The following DHODH variants were observed in gnomAD, a reference collection of about 807,000 sequenced individuals.
The protein encoded by DHODH is dihydroorotate dehydrogenase (quinone), mitochondrial.
A neutral mutation model predicts 39.7 loss-of-function variants in DHODH; 30 were observed. The ratio of observed to expected loss-of-function variants is 0.76; its 90% CI spans 0.57 to 1.02. DHODH has a LOEUF of 1.02. Among genes scored for constraint, DHODH ranks in the 50% least tolerant of loss-of-function variants. The pLI, the probability that DHODH is intolerant of heterozygous loss-of-function variation, is 0.00. For synonymous variants in DHODH, 222 were observed against 213.8 expected (o/e 1.04, Z -0.34); for missense variants, 531 against 520.8 (o/e 1.02, Z -0.19).
intron 4 of DHODH, chr16:72,020,333 A>G (rs1258630621): frequency 4.1e-4 from 38 of 91,840 alleles, no homozygotes; most frequent in African/African-American, 6.4e-4. Context: ...ATATGTGTAT[A>G]TATATATATA....
At chr16:72,010,316 T>C (rs151066292) in intron 1 of DHODH, among the ~76,000 whole-genome samples, 2 of 152,338 alleles carry the variant, frequency 1.3e-5, no homozygotes, top group African/African-American at 4.8e-5. Flanking sequence ...TTTTAAATAA[T>C]TGAACCAGAA....
At chr16:72,017,859 C>T (rs1038249664) in intron 4 of DHODH, among the ~76,000 whole-genome samples, 1 of 146,568 alleles carries the variant, frequency 6.8e-6, no homozygotes, top group South Asian at 2.2e-4. Context: ...GCAAGCTCTG[C>T]TTCCCGCGTT....
At chr16:72,016,615 C>T (rs1294299945) in intron 3 of DHODH, 2 of 324,592 alleles carry the variant, frequency 6.2e-6, no homozygotes, top group South Asian at 2.7e-5. Flanking sequence ...AGCGTTTGCT[C>T]TGAGCTAGGA....
intron 1 of DHODH, among the ~76,000 whole-genome samples, chr16:72,010,457 C>A (rs774446295): frequency 5.3e-5 from 8 of 152,200 alleles, no homozygotes; most frequent in Admixed American, 2.6e-4. Context: ...TTTTATCCTT[C>A]ATCACAGTTG....
At chr16:72,014,319 C>T (rs2041115798) in intron 2 of DHODH, 154 bp from the exon 3 acceptor site, 5 of 705,936 alleles carry the variant, frequency 7.1e-6, no homozygotes. Flanking sequence ...GTGCTCCATT[C>T]CACCCCCAAA....
chr16:72,014,745 C>A, intron 3 of DHODH, 73 bp downstream of exon 3: 1 of 1,458,466 alleles, frequency 6.9e-7, no homozygotes, highest in Non-Finnish European at 9.5e-7. Context: ...ATAAGATCTG[C>A]CTCTGTTTTT....
Position 72,024,176 on chromosome 16 carries a change from A to G in DHODH, c.1165A>G (p.Ile389Val). The change falls in exon 9 of 9, where the codon ATT becomes GTT. Residue 389 changes from isoleucine to valine, a missense_variant. Coordinates refer to ENST00000219240, the MANE Select transcript of DHODH (RefSeq NM_001361.5). ...EQGFGGVTDAIGADHRR is the reference protein window; with the variant it reads ...EQGFGGVTDAVGADHRR The stretch of plus-strand genomic sequence containing the variant: ...GGGCTTTGGCGGAGTCACAGATGCC[A>G]TTGGAGCAGATCATCGGAGGTGAGG... 1.9e-6 allele frequency: 3 copies of G among 1,614,186 alleles called. No individual in the cohort carries two copies. The highest frequency in any genetic ancestry group is 1.7e-6 in the Non-Finnish European group (2 of 1,180,026).
chr16:72,017,596 A>G (rs2041155623), intron 4 of DHODH, among the ~76,000 whole-genome samples: 1 of 152,164 alleles, frequency 6.6e-6, no homozygotes, highest in South Asian at 2.1e-4. Flanking sequence ...GCATTTGGGA[A>G]AATATTCTTC....
rs2041271238 is a variant in DHODH, at chr16:72,025,793, GC to G, written c.*1597del. ...CCCTGTGAGGCCTGAAGACAGAGCT[GC>G]CCTGAAGGCAGCTCATGTCCACTGA... On this transcript the variant is annotated 3_prime_UTR_variant, in exon 9 of 9. Coordinates refer to ENST00000219240, the MANE Select transcript of DHODH (RefSeq NM_001361.5). The G allele has an allele frequency of 6.6e-6, 1 of 152,288 alleles. No homozygotes were observed. The highest frequency in any genetic ancestry group is 1.5e-5 in the Non-Finnish European group (1 of 68,110). 9.4% of individuals were successfully genotyped at this position (152,288 alleles called of 1,614,324 possible). A position where few individuals can be genotyped will look rare whatever the true frequency, so the allele number is the denominator to read the frequency against.
chr16:72,012,068 G>A lies in DHODH; in HGVS notation c.40G>A (p.Val14Met), dbSNP rs2041087695. The change falls in exon 2 of 9, where the codon GTG (valine) becomes ATG (methionine). Residue 14 changes from valine (V) to methionine (M), a missense_variant. Physicochemically the swap from Val to Met is conservative, Grantham distance 21. Transcript: ENST00000219240. ...TTTGCAGAAGCGGGCCCAGGATGCT[G>A]TGATCATCCTGGGGGGAGGAGGACT... Reference protein sequence around the residue: ...RHLKKRAQDAVIILGGGGLLF... With the variant: ...RHLKKRAQDAMIILGGGGLLF... 1 of 1,614,012 alleles carries A rather than the reference G, an allele frequency of 6.2e-7. No individual in the cohort carries two copies. Among genetic ancestry groups the A allele is most frequent in the Non-Finnish European group, 8.5e-7 (1 of 1,179,984 alleles).
chr16:72,024,053 A>T, intron 8 of DHODH, 92 bp from the exon 9 acceptor site: 2 of 1,315,230 alleles, frequency 1.5e-6, no homozygotes, highest in Non-Finnish European at 2.2e-6. Flanking sequence ...CTGGGCCGGG[A>T]TGATGCGTTT....
chr16:72,023,757 T>C lies in DHODH; in HGVS notation c.1133+124T>C, dbSNP rs988541326. 4 of 1,369,552 alleles carry C rather than the reference T, an allele frequency of 2.9e-6. No homozygotes were observed. In the East Asian group the frequency reaches 9.6e-5, roughly 33 times the overall value. The allele number at this position is 1,369,552 out of a possible 1,614,324, so 84.8% of individuals were successfully genotyped here. On this transcript the variant is annotated intron_variant, in intron 8 of 8. Coordinates refer to ENST00000219240, the MANE Select transcript of DHODH (RefSeq NM_001361.5). ...CAAAAAGGAGTTGAGGGGTACACTC[T>C]GAAGGGGAGAGAAATTCTGGGTTAC...
chr16:72,016,922 CTG>C lies in DHODH; in HGVS notation c.435-99_435-98del. On this transcript the variant is annotated intron_variant, in intron 3 of 8. Coordinates refer to ENST00000219240, the MANE Select transcript of DHODH (RefSeq NM_001361.5). ...TAGACCCTGGAAGTGTAAGAACTGA[CTG>C]TGATTTTTTTTTTTCTCTTGTTTGA... 1.2e-5 allele frequency: 13 copies of C among 1,085,044 alleles called. No individual in the cohort carries two copies. The South Asian group carries it at 1.3e-4, about 11-fold the overall frequency. The allele number at this position is 1,085,044 out of a possible 1,614,324, so 67.2% of individuals were successfully genotyped here.
chr16:72,014,436 C>A (rs2041117134), intron 2 of DHODH, 37 bp from the exon 3 acceptor site: 2 of 1,585,064 alleles, frequency 1.3e-6, no homozygotes, highest in Non-Finnish European at 8.7e-7. Flanking sequence ...ACCGGGATAG[C>A]CTTAGCGTGC....
chr16:72,011,979 G>C lies in DHODH; in HGVS notation c.22-71G>C, dbSNP rs535369451. On this transcript the variant is annotated intron_variant, in intron 1 of 8. Transcript: ENST00000219240. ...CTGCCGTTATGCCCTCTGTGTACCT[G>C]GGTGTGAAGGGCTCAGGAAGGGTGC... 9.2e-5 allele frequency: 116 copies of C among 1,263,410 alleles called. No homozygotes were observed. In the African/African-American group the frequency reaches 1.7e-3, roughly 18 times the overall value. The allele number at this position is 1,263,410 out of a possible 1,614,324, so 78.3% of individuals were successfully genotyped here. A position where few individuals can be genotyped will look rare whatever the true frequency, so the allele number is the denominator to read the frequency against.
At chr16:72,022,264 C>G in intron 5 of DHODH, 98 bp from the exon 6 acceptor site, 1 of 843,916 alleles carries the variant, frequency 1.2e-6, no homozygotes, top group Non-Finnish European at 1.9e-6. Context: ...TTAGTTTGAT[C>G]GCTATTGTGG....
chr16:72,013,928 C>T (rs2041111652), intron 2 of DHODH, among the ~76,000 whole-genome samples: 1 of 152,228 alleles, frequency 6.6e-6, no homozygotes, highest in Admixed American at 6.5e-5. Context: ...CCCAGCTGAA[C>T]ATCTTCCTTC....
At chr16:72,016,366 G>T (rs913224775) in intron 3 of DHODH, 3 of 157,648 alleles carry the variant, frequency 1.9e-5, no homozygotes, top group Admixed American at 1.2e-4. Context: ...TGGGGCTGGG[G>T]ATACAGGGAT....
At chr16:72,016,885 C>T (rs1334650976) in intron 3 of DHODH, 139 bp from the exon 4 acceptor site, 1 of 757,214 alleles carries the variant, frequency 1.3e-6, no homozygotes, top group African/African-American at 1.7e-5. Flanking sequence ...CTCTAGGAGT[C>T]CCAGTGGTGT....
Sources: gnomAD v4.1 joint callset for allele counts (sites outside exome capture counted in the v4.1 genomes callset) on GRCh38, gnomAD v4.1.1 for gene constraint, MANE v1.5 for transcripts, NCBI Gene and HGNC (gene_info 2026-07-23, HGNC 2026-07-21) for gene names.